Variants in MYPN observed in about 807,000 individuals in gnomAD.
MYPN encodes the protein sarcomeric protein myopalladin, 145 kDa (MYOP).
MYPN carries 63 observed loss-of-function variants against 129.4 expected under a neutral mutation model. That is an observed-to-expected ratio of 0.49 (90% CI 0.40 to 0.60). The LOEUF (loss-of-function observed/expected upper bound fraction) is 0.60, where lower values mean the gene tolerates loss of function less well. Among genes scored for constraint, MYPN ranks in the 20% least tolerant of loss-of-function variants. The probability of loss-of-function intolerance (pLI) is 0.00; values close to 1 mark genes in which losing one functional copy is unlikely to be tolerated. For missense variants in MYPN, 1,596 were observed against 1,635.4 expected (o/e 0.98, Z 0.42); for synonymous variants, 629 against 600.9 (o/e 1.05, Z -0.68).
intron 2 of MYPN, among the ~76,000 whole-genome samples, chr10:68,131,435 G>A (rs552304227): frequency 6.8e-6 from 1 of 147,894 alleles, no homozygotes; most frequent in African/African-American, 2.5e-5. Context: ...AAGATTTTTG[G>A]AATTGCATTG....
At chr10:68,185,144 AGGAGGGAG>A (rs907164832) in intron 12 of MYPN, among the ~76,000 whole-genome samples, 3 of 136,464 alleles carry the variant, frequency 2.2e-5, no homozygotes, top group Non-Finnish European at 4.7e-5. Flanking sequence ...GTCAGAAAGA[AGGAGGGAG>A]GGAGGGAGGG....
intron 9 of MYPN, 129 bp from the exon 10 acceptor site, chr10:68,166,165 A>G: frequency 9.4e-7 from 1 of 1,062,560 alleles, no homozygotes; most frequent in African/African-American, 1.6e-5. Flanking sequence ...TGCCCAGATG[A>G]TGATCTGTTT....
At chr10:68,195,293 A>T (rs2043585671) in intron 14 of MYPN, among the ~76,000 whole-genome samples, 157 bp from the exon 15 acceptor site, 1 of 152,234 alleles carries the variant, frequency 6.6e-6, no homozygotes, top group Non-Finnish European at 1.5e-5. Flanking sequence ...ATTAACAATG[A>T]TTTAAGAAAT....
At position 68,165,730 on chromosome 10, in the gene MYPN, GGT is replaced by G; in HGVS notation, c.1515_1516del (p.Phe506CysfsTer30). ...EEICTLVIAE[V>X]FAEDSGCFTC... ...AGATTTGCACCTTGGTCATTGCTGA[GGT>G]GTTTGCAGAAGATTCTGGGTGCTTC... On this transcript the variant is annotated frameshift_variant, in exon 9 of 20. Transcript: ENST00000358913. LOFTEE classifies it high-confidence loss of function. 1 of 1,614,152 alleles carries G rather than the reference GGT, an allele frequency of 6.2e-7. No homozygotes were observed.
Position 68,141,798 on chromosome 10 carries a change from C to T in MYPN, c.903-1142C>T, listed in dbSNP as rs567758545. Among the ~76,000 whole-genome samples, 20 of 152,256 alleles carry T rather than the reference C, an allele frequency of 1.3e-4. No individual in the cohort carries two copies. In the East Asian group the frequency reaches 3.7e-3, roughly 28 times the overall value. ...TCTATGGTGGGGCGACATAATGAAA[C>T]CCGTAAACCCCATTTCTTATACAAG... On this transcript the variant is annotated intron_variant, in intron 2 of 19. Transcript: ENST00000358913.
At chr10:68,122,895 T>A (rs1461752644) in intron 2 of MYPN, among the ~76,000 whole-genome samples, 1 of 151,938 alleles carries the variant, frequency 6.6e-6, no homozygotes, top group Non-Finnish European at 1.5e-5. Context: ...AGAGCGAAAC[T>A]CAGTCTCAAA....
Position 68,158,539 on chromosome 10 carries a change from A to C in MYPN, c.1371A>C (p.Arg457Ser). ...SEGQLVVFEC[R>S]VKGAPSPKVE... ...GTCAGCTGGTTGTCTTTGAATGCAG[A>C]GTAAAAGGAGCTCCATCTCCTAAGG... Residue 457 changes from arginine (R) to serine (S), a missense_variant, in exon 7 of 20, where the codon AGA (arginine) becomes AGC (serine). Physicochemically the swap from Arg to Ser is moderately radical, Grantham distance 110 (BLOSUM62 -1). Coordinates refer to ENST00000358913, the MANE Select transcript of MYPN (RefSeq NM_032578.4). 1 of 1,613,870 alleles carries C rather than the reference A, an allele frequency of 6.2e-7. No homozygotes were observed. Among genetic ancestry groups the C allele is most frequent in the Non-Finnish European group, 8.5e-7 (1 of 1,179,742 alleles).
At chr10:68,106,218 A>G (rs1240927739), upstream of MYPN, 8 of 452,402 alleles carry the variant, frequency 1.8e-5, no homozygotes, top group Non-Finnish European at 3.1e-5. Context: ...ATAATGTTTT[A>G]AAGTGGGTGT....
rs182452314 is a variant in MYPN at position 68,171,936 on chromosome 10, A to C, written c.1974-2130A>C. On this transcript the variant is annotated intron_variant, in intron 10 of 19. Transcript: ENST00000358913. Reference sequence around the variant, plus strand: ...ATTGTCATTGCCAAAACTGCTTTCAAAAGTACTTGATACAGTATCTCAAGT... The same window carrying C: ...ATTGTCATTGCCAAAACTGCTTTCACAAGTACTTGATACAGTATCTCAAGT... Among the ~76,000 whole-genome samples the C allele has an allele frequency of 1.7e-3, 265 of 152,356 alleles. 2 individuals are homozygous for C. The highest frequency in any genetic ancestry group is 6.1e-3 in the African/African-American group (254 of 41,580).
upstream of MYPN, among the ~76,000 whole-genome samples, chr10:68,101,625 G>T (rs1422406927): frequency 2.0e-5 from 3 of 151,152 alleles, no homozygotes; most frequent in Non-Finnish European, 4.4e-5. Flanking sequence ...TTTTCATTTT[G>T]TCTTCAATGT....
At chr10:68,202,229 G>A (rs927430986) in intron 18 of MYPN, among the ~76,000 whole-genome samples, 7 of 152,150 alleles carry the variant, frequency 4.6e-5, no homozygotes, top group Non-Finnish European at 7.3e-5. Flanking sequence ...TCAGGAGATC[G>A]AGGCCATCCT....
Position 68,175,353 on chromosome 10 carries a change from A to T in MYPN, c.2595A>T (p.Thr865=). The part of the protein sequence containing the change: ...MPSQGLAKKN[T]KSPQPVNDDN... The stretch of plus-strand genomic sequence containing the variant: ...CCCAGGGATTAGCGAAGAAAAATAC[A>T]AAGTCTCCTCAACCAGTGAATGATG... Residue 865 remains threonine (T), a synonymous_variant, in exon 12 of 20, where the codon ACA becomes ACT. Transcript: ENST00000358913. The T allele has an allele frequency of 6.2e-7, 1 of 1,614,102 alleles. No homozygotes were observed. The highest frequency in any genetic ancestry group is 8.5e-7 in the Non-Finnish European group (1 of 1,179,986).
chr10:68,160,592 T>C (rs2042960214), intron 7 of MYPN, among the ~76,000 whole-genome samples: 1 of 152,184 alleles, frequency 6.6e-6, no homozygotes, highest in African/African-American at 2.4e-5. Flanking sequence ...GGCACTTTCA[T>C]GAAGCCCAAA....
At position 68,211,546 on chromosome 10, in the gene MYPN, G is replaced by C; in HGVS notation, c.*1091G>C. On this transcript the variant is annotated 3_prime_UTR_variant, in exon 20 of 20. Coordinates refer to ENST00000358913, the MANE Select transcript of MYPN (RefSeq NM_032578.4). ...AGAGAATATTCTGCTAGGTGGAAAA[G>C]TTGGGAGAAAGGGGAATATGCATCT... 1 of 454,102 alleles carries C rather than the reference G, an allele frequency of 2.2e-6. No homozygotes were observed. The highest frequency in any genetic ancestry group is 1.6e-5 in the South Asian group (1 of 64,472). 28.1% of individuals were successfully genotyped at this position (454,102 alleles called of 1,614,324 possible).
chr10:68,166,183 G>A, intron 9 of MYPN, 111 bp from the exon 10 acceptor site: 1 of 1,269,522 alleles, frequency 7.9e-7, no homozygotes, highest in Non-Finnish European at 1.1e-6. Flanking sequence ...TTTTTGACAA[G>A]CATTTTCCCA....
In MYPN at chr10:68,206,863, A is replaced by G; in HGVS notation, c.3753A>G (p.Glu1251=). ...GGTACACGTTGTCAGCCAAGAATGA[A>G]GCCGGCATCGTGTCGTGCACTGCCA... ...AGWYTLSAKN[E]AGIVSCTARL... Residue 1251 remains glutamate, a synonymous_variant, in exon 19 of 20, where the codon GAA becomes GAG. Transcript: ENST00000358913. The G allele has an allele frequency of 6.2e-7, 1 of 1,614,242 alleles. No homozygotes were observed. Among genetic ancestry groups the G allele is most frequent in the East Asian group, 2.2e-5 (1 of 44,888 alleles).
intron 10 of MYPN, among the ~76,000 whole-genome samples, chr10:68,169,008 A>G (rs2043098476): frequency 9.8e-6 from 1 of 101,730 alleles, no homozygotes; most frequent in Non-Finnish European, 2.2e-5. Flanking sequence ...AAAAAAAAAA[A>G]AAAAAAAAAA....
In MYPN at chr10:68,122,062, A is replaced by T; in HGVS notation, c.624A>T (p.Arg208Ser). Residue 208 changes from arginine (R) to serine (S), a missense_variant, in exon 2 of 20, where the codon AGA (arginine) becomes AGT (serine). Physicochemically the swap from Arg to Ser is moderately radical, Grantham distance 110. Coordinates refer to ENST00000358913, the MANE Select transcript of MYPN (RefSeq NM_032578.4). ...SFSDLSERRE[R>S]SSVPIPIPAD... Reference sequence around the variant, plus strand: ...CAGATCTGTCAGAAAGACGAGAAAGATCTTCTGTTCCCATCCCTATCCCTG... The same window carrying T: ...CAGATCTGTCAGAAAGACGAGAAAGTTCTTCTGTTCCCATCCCTATCCCTG... The T allele has an allele frequency of 6.2e-7, 1 of 1,614,168 alleles. No individual in the cohort carries two copies. The highest frequency in any genetic ancestry group is 1.1e-5 in the South Asian group (1 of 91,082).
At position 68,167,967 on chromosome 10, in the gene MYPN, T is replaced by TCAGGATCA. The variant is rs1302441932; in HGVS notation, c.1973+1306_1973+1313dup. Among the ~76,000 whole-genome samples, 6 of 152,264 alleles carry TCAGGATCA rather than the reference T, an allele frequency of 3.9e-5. No individual in the cohort carries two copies. The East Asian group carries it at 1.2e-3, about 29-fold the overall frequency. On this transcript the variant is annotated intron_variant, in intron 10 of 19. Transcript: ENST00000358913. ...GGAACTGGGCCTTTTCACCTGTCAC[T>TCAGGATCA]CAGGATCACAGGTCAGTCCAGCCTC...
Sources: gnomAD v4.1 joint callset for allele counts (sites outside exome capture counted in the v4.1 genomes callset) on GRCh38, gnomAD v4.1.1 for gene constraint, MANE v1.5 for transcripts, NCBI Gene and HGNC (gene_info 2026-07-23, HGNC 2026-07-21) for gene names.